IFI27: variants seen among roughly 807,000 people sequenced by gnomAD.
The protein encoded by IFI27 is interferon alpha inducible protein 27.
A neutral mutation model predicts 8.9 loss-of-function variants in IFI27; 3 were observed. That is an observed-to-expected ratio of 0.34 (90% CI 0.15 to 0.87). The LOEUF (loss-of-function observed/expected upper bound fraction) is 0.87. IFI27 is among the 40% of genes least tolerant of loss of function. The pLI, the probability that IFI27 is intolerant of heterozygous loss-of-function variation, is 0.51. For missense variants in IFI27, 152 were observed against 157.7 expected (o/e 0.96, Z 0.19); for synonymous variants, 66 against 67.3 (o/e 0.98, Z 0.09).
intron 2 of IFI27, chr14:94,113,541 G>A (rs1887272049): frequency 6.6e-6 from 1 of 152,178 alleles, no homozygotes; most frequent in Non-Finnish European, 1.5e-5. Context: ...GTAGGAAAAG[G>A]TTGGAGGGAG....
chr14:94,114,680 C>G, intron 2 of IFI27, 171 bp from the exon 3 acceptor site: 1 of 655,702 alleles, frequency 1.5e-6, no homozygotes, highest in South Asian at 1.8e-5. Flanking sequence ...TCACCCTCCT[C>G]CAGAATTTCC....
chr14:94,111,850 G>T lies in IFI27; in HGVS notation c.91+77G>T. 9.0e-7 allele frequency: 1 copy of T among 1,110,634 alleles called. No homozygotes were observed. The highest frequency in any genetic ancestry group is 2.4e-5 in the East Asian group (1 of 42,434). 68.8% of individuals were successfully genotyped at this position (1,110,634 alleles called of 1,614,324 possible). ...GGGCGGGGGTCCTGTCCCGGGACCC[G>T]TGGGAGAGAAAATGGGGGACACCCG... On this transcript the variant is annotated intron_variant, in intron 2 of 4. Transcript: ENST00000621160. The surrounding 1 kb of genome is among the most constrained non-coding windows in gnomAD (Gnocchi z 4.3).
chr14:94,111,463 A>G lies in IFI27; in HGVS notation c.-58-162A>G, dbSNP rs2139288839. ...GTCCTTTGGTAGCCCCAACTCCCCA[A>G]CATCCCTCCCTCCCTCACCCCAGGA... On this transcript the variant is annotated intron_variant, in intron 1 of 4. Transcript: ENST00000621160. The surrounding 1 kb of genome is among the most constrained non-coding windows in gnomAD (Gnocchi z 4.3). 6.6e-6 allele frequency among the ~76,000 whole-genome samples: 1 copy of G among 152,110 alleles called. No homozygotes were observed. The highest frequency in any genetic ancestry group is 1.5e-5 in the Non-Finnish European group (1 of 67,974).
chr14:94,106,423 C>T (rs940812756), upstream of IFI27, among the ~76,000 whole-genome samples: 36 of 152,208 alleles, frequency 2.4e-4, no homozygotes, highest in African/African-American at 8.2e-4. Flanking sequence ...CTCCATCTTA[C>T]GATCCCACCA....
chr14:94,111,525 G>A lies in IFI27; in HGVS notation c.-58-100G>A, dbSNP rs879001392. 1.4e-5 allele frequency: 9 copies of A among 639,590 alleles called. No individual in the cohort carries two copies. The highest frequency in any genetic ancestry group is 1.3e-4 in the South Asian group (7 of 54,262). 39.6% of individuals were successfully genotyped at this position (639,590 alleles called of 1,614,324 possible). On this transcript the variant is annotated intron_variant, in intron 1 of 4. Coordinates refer to ENST00000621160, the Ensembl canonical transcript of IFI27. This position sits in a 1 kb window ranked among gnomAD's most constrained non-coding sequence, Gnocchi z 4.3. The stretch of plus-strand genomic sequence containing the variant: ...CCTGCTGCTCCACAAGCTCAGAGCA[G>A]CCTCCCTAGCCCCCTGGAGCCCGTC...
rs770050663 is a variant in IFI27 at position 94,115,781 on chromosome 14, T to C, written c.122T>C (p.Val41Ala). Residue 41 changes from valine to alanine, a missense_variant and splice_region_variant, in exon 4 of 5, where the codon GTT becomes GCT. Val to Ala is a moderately conservative substitution (Grantham distance 64). Coordinates refer to ENST00000621160, the Ensembl canonical transcript of IFI27. ...CCGACCCAGCTCCTCTTCCCTGCAG[T>C]TGTGGCCATGGCGGCTGTGCCCATG... The C allele has an allele frequency of 2.5e-6, 4 of 1,588,012 alleles. No homozygotes were observed. In the South Asian group the frequency reaches 3.4e-5, roughly 13 times the overall value.
At chr14:94,106,269 C>T (rs1036897807), upstream of IFI27, among the ~76,000 whole-genome samples, 18 of 152,178 alleles carry the variant, frequency 1.2e-4, no homozygotes, top group Non-Finnish European at 1.8e-4. Context: ...ATGATTTTAA[C>T]GAATTTGGCG....
In IFI27 at chr14:94,116,197, C is replaced by T. The variant is rs1887402221; in HGVS notation, c.284-245C>T. The T allele has an allele frequency of 1.5e-6, 1 of 687,374 alleles. No individual in the cohort carries two copies. The highest frequency in any genetic ancestry group is 2.6e-6 in the Non-Finnish European group (1 of 379,610). 42.6% of individuals were successfully genotyped at this position (687,374 alleles called of 1,614,324 possible). A position where few individuals can be genotyped will look rare whatever the true frequency, so the allele number is the denominator to read the frequency against. ...GGGGCGTCTCCTCCCCTCTGGGGTG[C>T]AGCCTCCTTCCCTGAAGAGCGAGGC... On this transcript the variant is annotated intron_variant, in intron 4 of 4. Coordinates refer to ENST00000621160, the Ensembl canonical transcript of IFI27. This position sits in a 1 kb window ranked among gnomAD's most constrained non-coding sequence, Gnocchi z 4.3.
At chr14:94,115,666 C>T (rs1431647162) in intron 3 of IFI27, 115 bp from the exon 4 acceptor site, 4 of 1,109,442 alleles carry the variant, frequency 3.6e-6, no homozygotes, top group African/African-American at 3.2e-5. Context: ...TAGTCTCTCC[C>T]AAGCTCAAAG....
Position 94,116,322 on chromosome 14 carries a change from G to T in IFI27, c.284-120G>T. 4.2e-6 allele frequency: 3 copies of T among 713,508 alleles called. No individual in the cohort carries two copies. Among genetic ancestry groups the T allele is most frequent in the African/African-American group, 1.8e-5 (1 of 57,020 alleles). The allele number at this position is 713,508 out of a possible 1,614,324, so 44.2% of individuals were successfully genotyped here. ...ACTGGGAAACAGAGAGGGGAACTGG[G>T]TGGGGTCTGTAAGCCTCAGCCCCTG... On this transcript the variant is annotated intron_variant, in intron 4 of 4. Transcript: ENST00000621160. This position sits in a 1 kb window ranked among gnomAD's most constrained non-coding sequence, Gnocchi z 4.3.
At chr14:94,109,404 G>GGGAAAGGAAA (rs61520979), upstream of IFI27, among the ~76,000 whole-genome samples, 16,082 of 146,072 alleles carry the variant, frequency 0.11, 947 homozygotes, top group Non-Finnish European at 0.13. Context: ...GCAAGGGCAA[G>GGGAAAGGAAA]GGAAAGGAAA....
At chr14:94,109,299 T>TA (rs566567719), upstream of IFI27, among the ~76,000 whole-genome samples, 325 of 17,328 alleles carry the variant, frequency 0.019, no homozygotes, top group Middle Eastern at 0.038. Context: ...CAAAACTCCA[T>TA]AAAAAAAAAA....
upstream of IFI27, among the ~76,000 whole-genome samples, chr14:94,110,195 G>A (rs1160286171): frequency 6.6e-6 from 1 of 152,128 alleles, no homozygotes; most frequent in African/African-American, 2.4e-5. Context: ...TTGCTTTAGC[G>A]CTTCATCAAA....
chr14:94,114,722 A>C, intron 2 of IFI27, 129 bp from the exon 3 acceptor site: 1 of 847,228 alleles, frequency 1.2e-6, no homozygotes, highest in South Asian at 1.5e-5. Flanking sequence ...AGCGGTAGAC[A>C]GGAGTCATCC....
chr14:94,106,407 C>CAACT (rs1887015628), upstream of IFI27, among the ~76,000 whole-genome samples: 2 of 152,216 alleles, frequency 1.3e-5, no homozygotes, highest in Admixed American at 1.3e-4. Flanking sequence ...TTTTCCATAG[C>CAACT]AACTACTCCA....
chr14:94,114,906 G>T, intron 3 of IFI27, 26 bp downstream of exon 3: 1 of 1,610,616 alleles, frequency 6.2e-7, no homozygotes, highest in Non-Finnish European at 8.5e-7. Flanking sequence ...AGGGGCTCAA[G>T]TAACCACCTG....
intron 2 of IFI27, chr14:94,112,160 A>G (rs1260258498): frequency 4.7e-6 from 1 of 213,022 alleles, no homozygotes; most frequent in Non-Finnish European, 9.3e-6. Flanking sequence ...GGGATCTCAC[A>G]TCCAGAGTAT....
chr14:94,108,302 T>A (rs1012850135), upstream of IFI27, among the ~76,000 whole-genome samples: 21 of 152,218 alleles, frequency 1.4e-4, no homozygotes, highest in African/African-American at 4.6e-4. Flanking sequence ...TAAACATACG[T>A]GTGCACGTGT....
At chr14:94,106,708 A>G (rs545818115), upstream of IFI27, among the ~76,000 whole-genome samples, 1 of 152,326 alleles carries the variant, frequency 6.6e-6, no homozygotes, top group East Asian at 1.9e-4. Context: ...TTCTGCAGGG[A>G]GCATGGCACT....
Sources: allele counts gnomAD v4.1 joint callset (sites outside exome capture counted in the v4.1 genomes callset), GRCh38; gene constraint gnomAD v4.1.1; non-coding constraint Gnocchi (gnomAD v3.1); transcripts MANE v1.5; gene names NCBI Gene and HGNC (gene_info 2026-07-23, HGNC 2026-07-21).